The following HDHD2 variants were observed in gnomAD, a reference collection of about 807,000 sequenced individuals.
HDHD2 encodes haloacid dehalogenase like hydrolase domain containing 2.
HDHD2 carries 26 observed loss-of-function variants against 24.8 expected under a neutral mutation model. The observed-to-expected ratio is 1.05, with a 90% confidence interval of 0.77 to 1.45. HDHD2 has a LOEUF of 1.45. Among genes scored for constraint, HDHD2 ranks in the 40% most tolerant of loss-of-function variants. The pLI is 0.00. For synonymous variants in HDHD2, 128 were observed against 114.9 expected, an observed-to-expected ratio of 1.11 and a Z score of -0.73; for missense variants, 299 against 313.4, an observed-to-expected ratio of 0.95 and a Z score of 0.35.
intron 1 of HDHD2, among the ~76,000 whole-genome samples, chr18:47,143,014 C>A (rs1315592641): frequency 6.6e-6 from 1 of 152,026 alleles, no homozygotes; most frequent in African/African-American, 2.4e-5. Flanking sequence ...TTAAATAGAT[C>A]TTTGGCACAT....
intron 4 of HDHD2, among the ~76,000 whole-genome samples, chr18:47,117,213 G>T (rs996785714): frequency 3.3e-5 from 5 of 152,138 alleles, no homozygotes; most frequent in Admixed American, 6.5e-5. Flanking sequence ...CCCAATACTT[G>T]GAGTATTTTT....
At position 47,130,327 on chromosome 18, in the gene HDHD2, T is replaced by A. The variant is rs2063701518; in HGVS notation, c.312A>T (p.Gly104=). Residue 104 remains glycine, a splice_region_variant and synonymous_variant, in exon 4 of 7, where the codon GGA becomes GGT. Coordinates refer to ENST00000300605, the MANE Select transcript of HDHD2 (RefSeq NM_032124.5). ...CAGCATTAGGATCACTTGTTTGTAT[T>A]CCTGGGAACGGAAAAAAAAAATGAT... is the stretch of plus-strand genomic sequence containing the variant. The part of the protein sequence containing the change: ...VDDRALPDFK[G]IQTSDPNAVV... 1.9e-6 allele frequency: 3 copies of A among 1,572,794 alleles called. No individual in the cohort carries two copies. Among genetic ancestry groups the A allele is most frequent in the Non-Finnish European group, 2.6e-6 (3 of 1,159,028 alleles).
At chr18:47,136,294 G>A in intron 2 of HDHD2, 45 bp downstream of exon 2, 1 of 1,608,546 alleles carries the variant, frequency 6.2e-7, no homozygotes, top group Non-Finnish European at 8.5e-7. Context: ...TGGTAAAATG[G>A]CACTTACAAA....
intron 3 of HDHD2, among the ~76,000 whole-genome samples, chr18:47,133,732 G>A (rs2063736131): frequency 6.6e-6 from 1 of 152,092 alleles, no homozygotes; most frequent in African/African-American, 2.4e-5. Context: ...GATGGCCAGT[G>A]ATGATGAGCA....
At chr18:47,133,074 C>T (rs1227945901) in intron 3 of HDHD2, among the ~76,000 whole-genome samples, 1 of 152,048 alleles carries the variant, frequency 6.6e-6, no homozygotes, top group African/African-American at 2.4e-5. Flanking sequence ...TATACATGTG[C>T]CATGTTGGTG....
chr18:47,135,855 A>G (rs1361435384), intron 2 of HDHD2, among the ~76,000 whole-genome samples: 1 of 152,180 alleles, frequency 6.6e-6, no homozygotes, highest in Non-Finnish European at 1.5e-5. Context: ...GACAGTCCTT[A>G]GCCTTTAAAA....
At chr18:47,145,640 C>T (rs1289662144) in intron 1 of HDHD2, among the ~76,000 whole-genome samples, 1 of 152,100 alleles carries the variant, frequency 6.6e-6, no homozygotes, top group Admixed American at 6.5e-5. Context: ...GGAGATTAAA[C>T]AACCACATGT....
At position 47,134,659 on chromosome 18, in the gene HDHD2, G is replaced by T. The variant is rs2063746391; in HGVS notation, c.147C>A (p.Thr49=). The T allele has an allele frequency of 6.2e-7, 1 of 1,613,912 alleles. No homozygotes were observed. ...CTAACAGGTCTTGCTTGCTCTCTTT[G>T]GTTGTATTGGTCACAAACCTAATGA... The part of the protein sequence containing the change: ...SVIIRFVTNT[T]KESKQDLLER... The change falls in exon 3 of 7, where the codon ACC becomes ACA. Residue 49 remains threonine, a synonymous_variant. Coordinates refer to ENST00000300605, the MANE Select transcript of HDHD2 (RefSeq NM_032124.5).
rs2063744370 is a variant in HDHD2, at chr18:47,134,518, A to G, written c.288T>C (p.Asp96=). Residue 96 remains aspartate, a synonymous_variant, in exon 3 of 7, where the codon GAT becomes GAC. Transcript: ENST00000300605. ...KQVRPMLLVD[D]RALPDFKGIQ... ...TACCTTTGAAATCAGGTAGTGCCCG[A>G]TCATCAACTAGCAGCATGGGTCTGA... 1.2e-6 allele frequency: 2 copies of G among 1,614,120 alleles called. No individual in the cohort carries two copies. The highest frequency in any genetic ancestry group is 1.7e-6 in the Non-Finnish European group (2 of 1,179,950).
At chr18:47,128,313 AT>A (rs2063679978) in intron 4 of HDHD2, among the ~76,000 whole-genome samples, 1 of 152,220 alleles carries the variant, frequency 6.6e-6, no homozygotes, top group Non-Finnish European at 1.5e-5. Flanking sequence ...TCCTTCCCAA[AT>A]TGCCAGCTAA....
chr18:47,123,387 A>C (rs1250712303), intron 4 of HDHD2, among the ~76,000 whole-genome samples: 2 of 152,190 alleles, frequency 1.3e-5, no homozygotes, highest in Non-Finnish European at 2.9e-5. Context: ...CAAGAGTTTG[A>C]GACCAGCCTG....
intron 3 of HDHD2, among the ~76,000 whole-genome samples, chr18:47,131,522 C>A (rs936766466): frequency 3.3e-5 from 5 of 152,178 alleles, no homozygotes; most frequent in African/African-American, 4.8e-5. Flanking sequence ...ACAGTAGATA[C>A]CACAGTCTGA....
intron 4 of HDHD2, among the ~76,000 whole-genome samples, chr18:47,129,225 G>A (rs1019245198): frequency 3.9e-5 from 6 of 152,158 alleles, no homozygotes; most frequent in Non-Finnish European, 7.4e-5. Flanking sequence ...CAGATCTGCA[G>A]GTAAATTCTG....
intron 1 of HDHD2, among the ~76,000 whole-genome samples, chr18:47,147,986 CTTTCTTTTTTTT>C (rs202153529): frequency 0.016 from 1,977 of 122,306 alleles, 17 homozygotes; most frequent in Non-Finnish European, 0.027. Flanking sequence ...TTTGTTTTTT[CTTTCTTTTTTTT>C]TTTTTTTGGA....
intron 2 of HDHD2, among the ~76,000 whole-genome samples, chr18:47,135,226 C>A (rs2063753103): frequency 6.6e-6 from 1 of 151,228 alleles, no homozygotes; most frequent in Admixed American, 6.6e-5. Flanking sequence ...GCCCTAATAC[C>A]TGGCACTGTG....
At chr18:47,133,440 G>C (rs1013453742) in intron 3 of HDHD2, among the ~76,000 whole-genome samples, 1 of 149,214 alleles carries the variant, frequency 6.7e-6, no homozygotes, top group African/African-American at 2.5e-5. Context: ...ATTGTGAATA[G>C]TGCCACAGTA....
intron 1 of HDHD2, among the ~76,000 whole-genome samples, chr18:47,147,400 A>C (rs1376734538): frequency 6.6e-6 from 1 of 152,214 alleles, no homozygotes; most frequent in Non-Finnish European, 1.5e-5. Flanking sequence ...CTGAGACAGA[A>C]AACAGCTTGT....
chr18:47,134,628 A>G lies in HDHD2; in HGVS notation c.178T>C (p.Leu60=). The part of the protein sequence containing the change: ...KESKQDLLER[L]RKLEFDISED... ...GAGATATCAAATTCCAATTTTCTCAACCTTTCTAACAGGTCTTGCTTGCTC... is the reference window on the plus strand; with the variant it reads ...GAGATATCAAATTCCAATTTTCTCAGCCTTTCTAACAGGTCTTGCTTGCTC... Residue 60 remains leucine (L), a synonymous_variant, in exon 3 of 7, where the codon TTG becomes CTG. Transcript: ENST00000300605. The G allele has an allele frequency of 1.2e-6, 2 of 1,614,138 alleles. 1 individual carries two copies.
chr18:47,137,176 G>A (rs2063774564), intron 1 of HDHD2: 1 of 706,440 alleles, frequency 1.4e-6, no homozygotes, highest in East Asian at 2.7e-5. Flanking sequence ...GACAGGGATT[G>A]TCAATGAGGC....
Sources: allele counts gnomAD v4.1 joint callset (sites outside exome capture counted in the v4.1 genomes callset), GRCh38; gene constraint gnomAD v4.1.1; transcripts MANE v1.5; gene names NCBI Gene and HGNC (gene_info 2026-07-23, HGNC 2026-07-21).